Variants in SYTL5 observed in about 807,000 individuals in gnomAD.
SYTL5 encodes synaptotagmin like 5.
SYTL5 carries 34 observed loss-of-function variants against 55.9 expected under a neutral mutation model. That is an observed-to-expected ratio of 0.61 (90% CI 0.46 to 0.81). The LOEUF (loss-of-function observed/expected upper bound fraction) is 0.81. SYTL5 is among the 30% of genes least tolerant of loss of function. SYTL5 has a pLI of 0.00. For synonymous variants in SYTL5, 221 were observed against 188.7 expected (o/e 1.17, Z -1.40); for missense variants, 637 against 546.7 (o/e 1.17, Z -1.65).
In SYTL5 at chrX:38,034,091, C is replaced by CA. The variant is rs1266569369; in HGVS notation, c.119+85dup. On this transcript the variant is annotated intron_variant, in intron 2 of 16. Coordinates refer to ENST00000297875, the MANE Select transcript of SYTL5 (RefSeq NM_138780.3). ...ATTTAGATCAGAAATGGGCCAAGTGCAACCACAATGGGGACAGATGTCAGT... is the reference window on the plus strand; with the variant it reads ...ATTTAGATCAGAAATGGGCCAAGTGCAAACCACAATGGGGACAGATGTCAGT... 2.3e-5 allele frequency: 11 copies of CA among 482,757 alleles called. No individual in the cohort carries two copies. In the Middle Eastern group the frequency reaches 2.8e-3, roughly 121 times the overall value. The allele number at this position is 482,757 out of a possible 1,213,427, so 39.8% of individuals were successfully genotyped here. A position where few individuals can be genotyped will look rare whatever the true frequency, so the allele number is the denominator to read the frequency against.
At chrX:38,089,623 C>T (rs1303636979) in intron 7 of SYTL5, 36 bp downstream of exon 7, 1 of 1,158,611 alleles carries the variant, frequency 8.6e-7, no homozygotes, top group African/African-American at 1.8e-5. Flanking sequence ...CGTATTAGTT[C>T]ATTCTCACAC....
upstream of SYTL5, among the ~76,000 whole-genome samples, chrX:38,003,992 T>G (rs758475416): frequency 8.9e-6 from 1 of 112,445 alleles, no homozygotes; most frequent in East Asian, 2.8e-4. Flanking sequence ...TGTCTTCTTT[T>G]GAGAAATGTC....
chrX:37,922,300 G>T, the SYTL5 span, among the ~76,000 whole-genome samples: 2 of 111,784 alleles, frequency 1.8e-5, no homozygotes, highest in Non-Finnish European at 3.8e-5. Context: ...TTAAAATGGT[G>T]TTGGATGGAG....
intron 2 of SYTL5, among the ~76,000 whole-genome samples, chrX:38,045,012 A>G (rs1054813445): frequency 8.9e-6 from 1 of 111,942 alleles, no homozygotes. Context: ...CATATTATTT[A>G]TAAGATCCCT....
intron 2 of SYTL5, among the ~76,000 whole-genome samples, chrX:38,048,069 C>T (rs1935518790): frequency 9.1e-6 from 1 of 110,176 alleles, no homozygotes; most frequent in Admixed American, 9.7e-5. Flanking sequence ...ACCTGTAGTC[C>T]CAGCTACTTG....
intron 2 of SYTL5, among the ~76,000 whole-genome samples, chrX:38,052,971 C>T (rs1441257275): frequency 8.9e-6 from 1 of 111,974 alleles, no homozygotes; most frequent in South Asian, 3.7e-4. Context: ...TTAAAAATCC[C>T]GTTACCTAGG....
Position 38,122,191 on chromosome X carries a change from G to C in SYTL5, c.1817G>C (p.Gly606Ala). 1 of 1,207,526 alleles carries C rather than the reference G, an allele frequency of 8.3e-7. No individual in the cohort carries two copies. Among genetic ancestry groups the C allele is most frequent in the South Asian group, 1.8e-5 (1 of 56,208 alleles). Reference protein sequence around the residue: ...AKNLTAVKSGGTSDSFVKGYL... With the variant: ...AKNLTAVKSGATSDSFVKGYL... Reference sequence around the variant, plus strand: ...AATTTGACAGCAGTGAAGTCAGGAGGCACTTCTGATAGCTTTGTGAAGGGG... The same window carrying C: ...AATTTGACAGCAGTGAAGTCAGGAGCCACTTCTGATAGCTTTGTGAAGGGG... The change falls in exon 15 of 17, where the codon GGC (glycine) becomes GCC (alanine). Residue 606 changes from glycine (G) to alanine (A), a missense_variant. By Grantham distance (60) the Gly-to-Ala change is moderately conservative. Coordinates refer to ENST00000297875, the MANE Select transcript of SYTL5 (RefSeq NM_138780.3).
chrX:38,107,676 C>T (rs182695699), intron 11 of SYTL5, among the ~76,000 whole-genome samples: 1 of 111,429 alleles, frequency 9.0e-6, no homozygotes, highest in African/African-American at 3.3e-5. Context: ...TAGTCTCAGG[C>T]CCACTATGTT....
Position 38,106,609 on chromosome X carries a change from T to C in SYTL5, c.1172T>C (p.Met391Thr), listed in dbSNP as rs202238641. 2 of 1,200,662 alleles carry C rather than the reference T, an allele frequency of 1.7e-6. No homozygotes were observed. Among genetic ancestry groups the C allele is most frequent in the Admixed American group, 2.3e-5 (1 of 44,276 alleles). The change falls in exon 11 of 17, where the codon ATG becomes ACG. Residue 391 changes from methionine (M) to threonine (T), a missense_variant. Coordinates refer to ENST00000297875, the MANE Select transcript of SYTL5 (RefSeq NM_138780.3). ...SGLSTTSLNSMMSVYSETGDY... is the reference protein window; with the variant it reads ...SGLSTTSLNSTMSVYSETGDY... The stretch of plus-strand genomic sequence containing the variant: ...TTATTCCAGACCAGCCTTAACAGCA[T>C]GATGAGCGTTTACAGTGAAACGGGA...
chrX:37,918,316 C>T, the SYTL5 span, among the ~76,000 whole-genome samples: 1 of 111,749 alleles, frequency 8.9e-6, no homozygotes, highest in Admixed American at 9.5e-5. Context: ...AGGAAGATGA[C>T]AAGAGCCAAA....
chrX:38,009,025 C>A (rs1934087609), intron 1 of SYTL5, among the ~76,000 whole-genome samples: 1 of 111,591 alleles, frequency 9.0e-6, no homozygotes, highest in South Asian at 3.7e-4. Context: ...TCATTTTATT[C>A]ATCCCCTTGG....
rs1231549219 is a variant in SYTL5, at chrX:38,108,693, A to G, written c.1428A>G (p.Thr476=). 2 of 1,176,146 alleles carry G rather than the reference A, an allele frequency of 1.7e-6. No individual in the cohort carries two copies. Among genetic ancestry groups the G allele is most frequent in the South Asian group, 1.9e-5 (1 of 53,937 alleles). The part of the protein sequence containing the change: ...RTGTNPEFNE[T]LKYTISHTQL... ...GCACCAATCCAGAATTCAATGAAACACTAAAGGTAAATAAATACGGTCTCA... is the reference window on the plus strand; with the variant it reads ...GCACCAATCCAGAATTCAATGAAACGCTAAAGGTAAATAAATACGGTCTCA... Residue 476 remains threonine, a synonymous_variant, in exon 12 of 17, where the codon ACA becomes ACG. Transcript: ENST00000297875.
rs1214195119 is a variant in SYTL5, at chrX:38,043,258, T to C, written c.119+9250T>C. Among the ~76,000 whole-genome samples the C allele has an allele frequency of 4.5e-5, 5 of 110,761 alleles. No homozygotes were observed. In the Admixed American group the frequency reaches 4.8e-4, roughly 11 times the overall value. ...ATACATATTTTCATTATAGAATCAA[T>C]GGGCTTATTACAGAAAATTACATAA... On this transcript the variant is annotated intron_variant, in intron 2 of 16. Transcript: ENST00000297875.
the SYTL5 span, chrX:37,994,760 G>A: frequency 9.1e-6 from 1 of 110,273 alleles, no homozygotes; most frequent in Non-Finnish European, 1.9e-5. Context: ...GGAGGAGGAG[G>A]AGGAGAAGAA....
At chrX:38,024,914 A>G (rs751213387) in intron 1 of SYTL5, among the ~76,000 whole-genome samples, 33 of 111,990 alleles carry the variant, frequency 2.9e-4, no homozygotes, top group Non-Finnish European at 4.9e-4. Context: ...CCCGTGTGAG[A>G]AGAAACAGCT....
chrX:38,116,673 A>T (rs188296829), intron 13 of SYTL5, among the ~76,000 whole-genome samples: 1 of 112,832 alleles, frequency 8.9e-6, no homozygotes, highest in Non-Finnish European at 1.9e-5. Context: ...TAGTTCTTCT[A>T]TTCAACTGAA....
At chrX:38,106,482 C>T in intron 10 of SYTL5, 111 bp from the exon 11 acceptor site, 1 of 703,616 alleles carries the variant, frequency 1.4e-6, no homozygotes, top group Non-Finnish European at 2.0e-6. Flanking sequence ...TCACCCTAGA[C>T]TTCCATGCTC....
At chrX:38,001,364 T>C in the SYTL5 span, among the ~76,000 whole-genome samples, 1 of 111,908 alleles carries the variant, frequency 8.9e-6, no homozygotes, top group South Asian at 3.8e-4. Flanking sequence ...AATACTAGCA[T>C]AGAAAAACTA....
At chrX:37,906,005 T>G in the SYTL5 span, 1 of 113,391 alleles carries the variant, frequency 8.8e-6, no homozygotes, top group Non-Finnish European at 1.9e-5. Context: ...GCCAAGCGCG[T>G]GAGTCACTCT....
Sources: gnomAD v4.1 joint callset for allele counts (sites outside exome capture counted in the v4.1 genomes callset) on GRCh38, gnomAD v4.1.1 for gene constraint, MANE v1.5 for transcripts, NCBI Gene and HGNC (gene_info 2026-07-23, HGNC 2026-07-21) for gene names.